GRM7: variants seen among roughly 807,000 people sequenced by gnomAD.
GRM7 encodes glutamate metabotropic receptor 7, also known as metabotropic glutamate receptor 7.
A neutral mutation model predicts 84.5 loss-of-function variants in GRM7; 35 were observed. The observed-to-expected ratio is 0.41, with a 90% CI of 0.32 to 0.55. The LOEUF (loss-of-function observed/expected upper bound fraction) is 0.55. GRM7 is among the 20% of genes least tolerant of loss of function. The pLI is 0.19. For synonymous variants in GRM7, 487 were observed against 455.1 expected (o/e 1.07, Z -0.89); for missense variants, 1,003 against 1,194.6 (o/e 0.84, Z 2.36).
At chr3:7,295,834 G>A (rs185725974) in intron 2 of GRM7, among the ~76,000 whole-genome samples, 1 of 150,934 alleles carries the variant, frequency 6.6e-6, no homozygotes, top group East Asian at 1.9e-4. Context: ...TTTTGGGGGG[G>A]GGATTTCTCT....
intron 9 of GRM7, among the ~76,000 whole-genome samples, chr3:7,708,855 A>C (rs1054313927): frequency 6.6e-6 from 1 of 151,894 alleles, no homozygotes; most frequent in Admixed American, 6.6e-5. Flanking sequence ...AATGTAATTT[A>C]TACATAAATA....
At chr3:7,310,623 C>A (rs1037066726) in intron 4 of GRM7, among the ~76,000 whole-genome samples, 18 of 152,132 alleles carry the variant, frequency 1.2e-4, no homozygotes, top group African/African-American at 4.3e-4. Context: ...TGTCTTTTGG[C>A]CCTATCACCT....
chr3:7,028,364 A>G (rs901264153), intron 1 of GRM7, among the ~76,000 whole-genome samples: 8 of 152,206 alleles, frequency 5.3e-5, no homozygotes, highest in African/African-American at 9.6e-5. Context: ...TTATAGATGT[A>G]TAGTACAGAT....
intron 4 of GRM7, among the ~76,000 whole-genome samples, chr3:7,389,529 A>G (rs1694908600): frequency 6.6e-6 from 1 of 152,114 alleles, no homozygotes; most frequent in African/African-American, 2.4e-5. Context: ...ATTGTTTTAT[A>G]AGTCCAGGTG....
intron 1 of GRM7, among the ~76,000 whole-genome samples, chr3:6,986,063 G>A (rs1465394755): frequency 1.3e-5 from 2 of 152,088 alleles, no homozygotes; most frequent in African/African-American, 2.4e-5. Context: ...TGGCCACAGT[G>A]GGTATGAAGT....
chr3:6,932,681 G>C (rs1016783814), intron 1 of GRM7, among the ~76,000 whole-genome samples: 3 of 149,736 alleles, frequency 2.0e-5, no homozygotes, highest in African/African-American at 7.4e-5. Flanking sequence ...TAACTTTCCA[G>C]TTGAAGTTTT....
At chr3:7,412,495 G>A (rs1695983719) in intron 4 of GRM7, among the ~76,000 whole-genome samples, 1 of 152,046 alleles carries the variant, frequency 6.6e-6, no homozygotes, top group Admixed American at 6.6e-5. Flanking sequence ...GAGACGCCTG[G>A]GATAATAATG....
At chr3:7,419,844 G>C (rs116798659) in intron 5 of GRM7, among the ~76,000 whole-genome samples, 7 of 152,266 alleles carry the variant, frequency 4.6e-5, no homozygotes, top group Non-Finnish European at 1.0e-4. Flanking sequence ...GAATAAATTG[G>C]TGACATATAT....
intron 8 of GRM7, among the ~76,000 whole-genome samples, chr3:7,630,866 T>C (rs1697831875): frequency 6.6e-6 from 1 of 152,224 alleles, no homozygotes; most frequent in Non-Finnish European, 1.5e-5. Context: ...AATTTGTGTC[T>C]GGTAATCTTC....
intron 4 of GRM7, among the ~76,000 whole-genome samples, chr3:7,329,477 A>G (rs960720649): frequency 6.6e-6 from 1 of 152,176 alleles, no homozygotes; most frequent in African/African-American, 2.4e-5. Flanking sequence ...GGAGCTGCCC[A>G]GTGATGGGCT....
chr3:7,532,000 G>C (rs1019302436), intron 7 of GRM7, among the ~76,000 whole-genome samples: 1 of 152,052 alleles, frequency 6.6e-6, no homozygotes, highest in Non-Finnish European at 1.5e-5. Context: ...TTTATTGCGC[G>C]TGCTGCTGGA....
chr3:6,866,961 G>A (rs1694958082), intron 1 of GRM7, among the ~76,000 whole-genome samples: 3 of 152,100 alleles, frequency 2.0e-5, no homozygotes, highest in African/African-American at 2.4e-5. Flanking sequence ...GTGATTCTGG[G>A]GCTCCCAGTG....
intron 4 of GRM7, among the ~76,000 whole-genome samples, chr3:7,365,571 A>T (rs776141026): frequency 5.3e-5 from 8 of 150,370 alleles, no homozygotes; most frequent in Non-Finnish European, 1.2e-4. Flanking sequence ...TCATTTCAAT[A>T]ATCAACTTTA....
intron 1 of GRM7, among the ~76,000 whole-genome samples, chr3:6,887,119 C>T (rs1486326454): frequency 1.3e-5 from 2 of 151,832 alleles, no homozygotes; most frequent in African/African-American, 4.8e-5. Flanking sequence ...CAGTGCCTTT[C>T]TCCCACTGTT....
At chr3:6,890,571 G>C (rs1695893146) in intron 1 of GRM7, among the ~76,000 whole-genome samples, 1 of 152,126 alleles carries the variant, frequency 6.6e-6, no homozygotes, top group Admixed American at 6.6e-5. Context: ...CTGAGTTCTA[G>C]TTTGATTGCA....
At chr3:7,064,395 C>T (rs991061724) in intron 1 of GRM7, among the ~76,000 whole-genome samples, 11 of 147,866 alleles carry the variant, frequency 7.4e-5, no homozygotes, top group South Asian at 2.1e-4. Context: ...GCATCCAGGT[C>T]GCTGCAAATG....
intron 5 of GRM7, among the ~76,000 whole-genome samples, chr3:7,437,826 T>G (rs1191068207): frequency 2.6e-5 from 4 of 152,122 alleles, no homozygotes; most frequent in Non-Finnish European, 4.4e-5. Flanking sequence ...GTAGGGAAAT[T>G]GTACAGAGAG....
chr3:7,644,690 A>G (rs1698538339), intron 8 of GRM7, among the ~76,000 whole-genome samples: 2 of 152,206 alleles, frequency 1.3e-5, no homozygotes, highest in East Asian at 1.9e-4. Context: ...ATTCTGACAA[A>G]TTACCATAGA....
rs545287014 is a variant in GRM7 at position 6,921,973 on chromosome 3, C to A, written c.519+60066C>A. Among the ~76,000 whole-genome samples the A allele has an allele frequency of 2.6e-5, 4 of 152,288 alleles. No homozygotes were observed. In the South Asian group the frequency reaches 8.3e-4, roughly 32 times the overall value. ...GTAACTCCTCTCACTGCTCAATAGA[C>A]GTCATGGTTGTTGGTCAATAAAGAT... On this transcript the variant is annotated intron_variant, in intron 1 of 9. Transcript: ENST00000357716.
Sources: gnomAD v4.1 joint callset for allele counts (sites outside exome capture counted in the v4.1 genomes callset) on GRCh38, gnomAD v4.1.1 for gene constraint, MANE v1.5 for transcripts, NCBI Gene and HGNC (gene_info 2026-07-23, HGNC 2026-07-21) for gene names.